KTN1: variants seen among roughly 807,000 people sequenced by gnomAD.
KTN1 encodes the protein kinectin 1.
Under a neutral mutation model 222.5 loss-of-function variants are expected in KTN1, and 130 were observed. That is an observed-to-expected ratio of 0.58 (90% CI 0.51 to 0.68). KTN1 has a LOEUF of 0.68. Ranked by LOEUF, KTN1 falls within the 30% of genes least tolerant of loss-of-function variation. The pLI is 0.00. For synonymous variants in KTN1, 512 were observed against 496.3 expected (o/e 1.03, Z -0.42); for missense variants, 1,508 against 1,500.4 (o/e 1.01, Z -0.08).
At position 55,671,640 on chromosome 14, in the gene KTN1, C is replaced by T. The variant is rs41304375; in HGVS notation, c.3423C>T (p.Ser1141=). Residue 1141 remains serine, a synonymous_variant, in exon 36 of 44, where the codon TCC becomes TCT. Coordinates refer to ENST00000395314, the MANE Select transcript of KTN1 (RefSeq NM_001079521.2). ...LLQLECEKYK[S]VLAETEGILQ... ...AGCTAGAGTGTGAAAAATACAAATC[C>T]GTCCTTGCAGAAACAGTAGGAAATG... The T allele has an allele frequency of 0.011, 17,113 of 1,610,618 alleles. 116 individuals are homozygous for T. The highest frequency in any genetic ancestry group is 0.012 in the Non-Finnish European group (14,522 of 1,177,926).
intron 42 of KTN1, 160 bp downstream of exon 42, chr14:55,678,604 A>AT: frequency 1.7e-6 from 1 of 594,290 alleles, no homozygotes; most frequent in South Asian, 2.0e-5. Context: ...ATTTTTGCTT[A>AT]TTGAGGTATG....
chr14:55,654,977 T>A lies in KTN1; in HGVS notation c.2802-1065T>A, dbSNP rs142693609. ...CAGTATATGGCTTTTCTGGTTTGGC[T>A]CTTTTCTTTTCTTTTTTTTTGGGAC... On this transcript the variant is annotated intron_variant, in intron 28 of 43. Transcript: ENST00000395314. Among the ~76,000 whole-genome samples, 104 of 152,186 alleles carry A rather than the reference T, an allele frequency of 6.8e-4. 2 individuals are homozygous for A. The East Asian group carries it at 0.018, about 26-fold the overall frequency.
intron 1 of KTN1, among the ~76,000 whole-genome samples, chr14:55,600,312 A>G (rs1208640429): frequency 1.3e-5 from 2 of 152,018 alleles, no homozygotes; most frequent in Admixed American, 6.5e-5. Flanking sequence ...ATTTTTGTGA[A>G]TGATAAATTT....
Position 55,667,136 on chromosome 14 carries a change from CTT to C in KTN1, c.3178-101_3178-100del. The C allele has an allele frequency of 1.3e-5, 9 of 718,554 alleles. 1 individual carries two copies. The South Asian group carries it at 1.7e-4, about 14-fold the overall frequency. 44.5% of individuals were successfully genotyped at this position (718,554 alleles called of 1,614,324 possible). On this transcript the variant is annotated intron_variant, in intron 33 of 43. Coordinates refer to ENST00000395314, the MANE Select transcript of KTN1 (RefSeq NM_001079521.2). ...GTTAGTATTAAAAATTTTTTTTAAACTTTTTCTTCCCGTAGAATTATAAAACA... is the reference window on the plus strand; with the variant it reads ...GTTAGTATTAAAAATTTTTTTTAAACTTTCTTCCCGTAGAATTATAAAACA...
chr14:55,619,149 A>G, intron 4 of KTN1, 33 bp from the exon 5 acceptor site: 2 of 1,562,238 alleles, frequency 1.3e-6, no homozygotes, highest in Non-Finnish European at 1.8e-6. Context: ...TTTAAATGCC[A>G]ACTCTTTGTT....
At chr14:55,586,944 C>A (rs1412640835) in intron 1 of KTN1, among the ~76,000 whole-genome samples, 2 of 152,136 alleles carry the variant, frequency 1.3e-5, no homozygotes, top group Non-Finnish European at 2.9e-5. Flanking sequence ...CTCGAAAACG[C>A]CAACTCTGAC....
chr14:55,637,991 A>G lies in KTN1; in HGVS notation c.1785+144A>G. 3.4e-6 allele frequency: 2 copies of G among 591,576 alleles called. 1 individual carries two copies. Among genetic ancestry groups the G allele is most frequent in the Non-Finnish European group, 6.0e-6 (2 of 332,960 alleles). 36.6% of individuals were successfully genotyped at this position (591,576 alleles called of 1,614,324 possible). On this transcript the variant is annotated intron_variant, in intron 12 of 43. Coordinates refer to ENST00000395314, the MANE Select transcript of KTN1 (RefSeq NM_001079521.2). ...CAAATGATGATCCTGAGTGCTAAAC[A>G]CTTGCTAATTATGTACGGTGCTGAG...
At chr14:55,615,787 T>G (rs1406753907) in intron 2 of KTN1, among the ~76,000 whole-genome samples, 1 of 151,960 alleles carries the variant, frequency 6.6e-6, no homozygotes, top group Non-Finnish European at 1.5e-5. Context: ...GGTTTTCTCT[T>G]CCTTCCCTTC....
In KTN1 at chr14:55,674,577, T is replaced by A. The variant is rs2045735430; in HGVS notation, c.3772-1258T>A. ...CTATGCATTGCACAGATTAGGACTG[T>A]GATATGTCATGGCTATAAGTCCTCA... On this transcript the variant is annotated intron_variant, in intron 40 of 43. Coordinates refer to ENST00000395314, the MANE Select transcript of KTN1 (RefSeq NM_001079521.2). The A allele has an allele frequency of 3.9e-5, 6 of 152,290 alleles. No homozygotes were observed. The South Asian group carries it at 1.2e-3, about 32-fold the overall frequency. The allele number at this position is 152,290 out of a possible 1,614,324, so 9.4% of individuals were successfully genotyped here.
intron 42 of KTN1, 68 bp from the exon 43 acceptor site, chr14:55,679,497 C>T (rs967216478): frequency 9.2e-6 from 12 of 1,306,088 alleles, no homozygotes; most frequent in African/African-American, 6.0e-5. Flanking sequence ...ATAACATTTT[C>T]TGTTGTTTGG....
intron 1 of KTN1, chr14:55,607,499 A>G (rs2036909991): frequency 6.6e-6 from 1 of 152,202 alleles, no homozygotes. Context: ...AAAGCGGGTC[A>G]GTATCTTTAT....
intron 6 of KTN1, among the ~76,000 whole-genome samples, chr14:55,628,255 C>T (rs1386233415): frequency 6.6e-6 from 1 of 152,144 alleles, no homozygotes; most frequent in East Asian, 1.9e-4. Context: ...ATCCTAGCTT[C>T]AGAATAACAA....
intron 24 of KTN1, 200 bp from the exon 25 acceptor site, chr14:55,651,690 T>C (rs2042944273): frequency 5.7e-6 from 3 of 524,330 alleles, no homozygotes; most frequent in South Asian, 2.8e-5. Context: ...TCCTTGTCCC[T>C]CCCCCTTATT....
chr14:55,610,855 C>T (rs1415946602), intron 1 of KTN1, among the ~76,000 whole-genome samples: 1 of 152,330 alleles, frequency 6.6e-6, no homozygotes, highest in African/African-American at 2.4e-5. Flanking sequence ...TATGTATATT[C>T]AAGGCAGATG....
chr14:55,594,224 C>T (rs922379061), intron 1 of KTN1, among the ~76,000 whole-genome samples: 3 of 152,118 alleles, frequency 2.0e-5, no homozygotes, highest in Non-Finnish European at 4.4e-5. Flanking sequence ...TGAATCCCAG[C>T]TTATGTATCC....
At chr14:55,619,409 C>A in intron 5 of KTN1, 97 bp downstream of exon 5, 1 of 1,102,532 alleles carries the variant, frequency 9.1e-7, no homozygotes, top group Non-Finnish European at 1.3e-6. Flanking sequence ...TACTCCCATC[C>A]TTAACATCTC....
chr14:55,622,084 T>G (rs1210166456), intron 5 of KTN1, among the ~76,000 whole-genome samples: 1 of 152,026 alleles, frequency 6.6e-6, no homozygotes, highest in Non-Finnish European at 1.5e-5. Flanking sequence ...CCTGACCTCA[T>G]GATCCGCCTG....
At chr14:55,581,174 C>T (rs779231432) in intron 1 of KTN1, among the ~76,000 whole-genome samples, 11 of 152,200 alleles carry the variant, frequency 7.2e-5, no homozygotes, top group Non-Finnish European at 1.5e-4. Context: ...AGCCATACGT[C>T]TGGTGTGGGA....
intron 9 of KTN1, among the ~76,000 whole-genome samples, chr14:55,635,378 C>T (rs2041004321): frequency 6.6e-6 from 1 of 152,132 alleles, no homozygotes; most frequent in Admixed American, 6.5e-5. Flanking sequence ...CACTTTATCA[C>T]CCATAGCTTG....
Sources: gnomAD v4.1 joint callset for allele counts (sites outside exome capture counted in the v4.1 genomes callset) on GRCh38, gnomAD v4.1.1 for gene constraint, MANE v1.5 for transcripts, NCBI Gene and HGNC (gene_info 2026-07-23, HGNC 2026-07-21) for gene names.